GPC6: variants seen among roughly 807,000 people sequenced by gnomAD.
GPC6 encodes the protein glypican 6, also known as glypican-6.
A neutral mutation model predicts 55.2 loss-of-function variants in GPC6; 14 were observed. That is an observed-to-expected ratio of 0.25 (90% CI 0.17 to 0.40). The LOEUF (loss-of-function observed/expected upper bound fraction) is 0.40. Ranked by LOEUF, GPC6 falls within the 10% of genes least tolerant of loss-of-function variation. The pLI is 1.00. For synonymous variants in GPC6, 278 were observed against 259.6 expected (o/e 1.07, Z -0.68); for missense variants, 641 against 708.5 (o/e 0.90, Z 1.08).
intron 2 of GPC6, among the ~76,000 whole-genome samples, chr13:93,681,333 A>G (rs1218752331): frequency 2.0e-5 from 3 of 152,192 alleles, no homozygotes; most frequent in Non-Finnish European, 4.4e-5. Context: ...AATACAGGAC[A>G]TTGTATTACT....
intron 4 of GPC6, among the ~76,000 whole-genome samples, chr13:94,062,471 G>A (rs900706430): frequency 2.6e-5 from 4 of 151,730 alleles, no homozygotes; most frequent in South Asian, 4.2e-4. Flanking sequence ...AGCTGGTCTC[G>A]AACTCCTGAC....
At chr13:93,583,451 T>A (rs1425668817) in intron 2 of GPC6, among the ~76,000 whole-genome samples, 2 of 152,134 alleles carry the variant, frequency 1.3e-5, no homozygotes, top group African/African-American at 4.8e-5. Context: ...AGAGTTTCAT[T>A]TTTGTTTCCC....
At chr13:94,132,799 A>T (rs917355198) in intron 4 of GPC6, among the ~76,000 whole-genome samples, 1 of 152,192 alleles carries the variant, frequency 6.6e-6, no homozygotes, top group East Asian at 1.9e-4. Flanking sequence ...CTGAAATAGG[A>T]TCCACCAAAT....
At chr13:93,639,214 A>C (rs1266571848) in intron 2 of GPC6, among the ~76,000 whole-genome samples, 2 of 152,156 alleles carry the variant, frequency 1.3e-5, no homozygotes, top group Non-Finnish European at 2.9e-5. Context: ...TCACTGGAGA[A>C]GTCATTGAAA....
intron 4 of GPC6, among the ~76,000 whole-genome samples, chr13:94,045,403 T>TA (rs1883695485): frequency 6.6e-6 from 1 of 151,980 alleles, no homozygotes; most frequent in East Asian, 1.9e-4. Flanking sequence ...TACTTTTTTT[T>TA]ATTTAAAAAA....
chr13:93,661,881 G>T (rs924687426), intron 2 of GPC6, among the ~76,000 whole-genome samples: 1 of 152,152 alleles, frequency 6.6e-6, no homozygotes, highest in South Asian at 2.1e-4. Context: ...GGAAGAAAAT[G>T]AGGGGCACTA....
intron 4 of GPC6, among the ~76,000 whole-genome samples, chr13:94,215,250 AT>A (rs557774155): frequency 4.6e-5 from 7 of 151,334 alleles, no homozygotes; most frequent in South Asian, 2.1e-4. Context: ...AACTGGCTGC[AT>A]TTTTTTTTCT....
chr13:93,974,943 AAGCCAGGATGCAG>A (rs1353749845), intron 3 of GPC6, among the ~76,000 whole-genome samples: 3 of 152,164 alleles, frequency 2.0e-5, no homozygotes, highest in Non-Finnish European at 4.4e-5. Context: ...CAAGGTCAGA[AAGCCAGGATGCAG>A]AGCCAGGCAT....
intron 2 of GPC6, among the ~76,000 whole-genome samples, chr13:93,742,798 A>G (rs558268068): frequency 6.6e-6 from 1 of 152,320 alleles, no homozygotes; most frequent in South Asian, 2.1e-4. Flanking sequence ...AAGTGCTTTC[A>G]ACAAGCTGGA....
At chr13:93,915,191 T>C (rs1488704748) in intron 3 of GPC6, among the ~76,000 whole-genome samples, 1 of 152,226 alleles carries the variant, frequency 6.6e-6, no homozygotes. Context: ...TTTATTGACC[T>C]TCAGATCTTA....
At chr13:94,238,714 C>T (rs1031263351) in intron 4 of GPC6, among the ~76,000 whole-genome samples, 15 of 152,054 alleles carry the variant, frequency 9.9e-5, no homozygotes, top group African/African-American at 2.2e-4. Context: ...AAGATATAAG[C>T]GAGGGTCTCC....
At chr13:94,387,463 T>A (rs1880457624) in intron 7 of GPC6, among the ~76,000 whole-genome samples, 1 of 152,212 alleles carries the variant, frequency 6.6e-6, no homozygotes, top group Non-Finnish European at 1.5e-5. Flanking sequence ...ATCAATGAGA[T>A]AATCTCAATA....
At chr13:93,931,729 A>T (rs141210662) in intron 3 of GPC6, among the ~76,000 whole-genome samples, 165 of 142,908 alleles carry the variant, frequency 1.2e-3, no homozygotes, top group African/African-American at 4.2e-3. Context: ...GCGCCACTGC[A>T]CTCCAGCCTG....
chr13:93,904,113 G>A (rs771254018), intron 3 of GPC6, among the ~76,000 whole-genome samples: 5 of 152,148 alleles, frequency 3.3e-5, no homozygotes, highest in Non-Finnish European at 1.5e-5. Flanking sequence ...AGTGACCACA[G>A]GAGGTTTATA....
At chr13:93,801,877 C>T (rs1321976499) in intron 2 of GPC6, among the ~76,000 whole-genome samples, 1 of 152,080 alleles carries the variant, frequency 6.6e-6, no homozygotes, top group Non-Finnish European at 1.5e-5. Context: ...CTTAGAATTC[C>T]CAAACCTTGA....
intron 4 of GPC6, among the ~76,000 whole-genome samples, chr13:94,241,979 T>A (rs906906296): frequency 6.6e-6 from 1 of 152,142 alleles, no homozygotes; most frequent in Admixed American, 6.5e-5. Flanking sequence ...GCAGGTTTGT[T>A]ACATATGTAT....
chr13:94,276,250 A>C (rs778736973), intron 4 of GPC6, among the ~76,000 whole-genome samples: 6 of 152,184 alleles, frequency 3.9e-5, no homozygotes, highest in Non-Finnish European at 8.8e-5. Context: ...AATCCTTAGA[A>C]GTTCTTGATC....
At chr13:93,965,975 A>G (rs1324339685) in intron 3 of GPC6, among the ~76,000 whole-genome samples, 1 of 152,156 alleles carries the variant, frequency 6.6e-6, no homozygotes, top group African/African-American at 2.4e-5. Context: ...CAGCACATCT[A>G]TCAGCCCAAT....
chr13:93,967,461 A>G (rs1726330204), intron 3 of GPC6, among the ~76,000 whole-genome samples: 1 of 152,204 alleles, frequency 6.6e-6, no homozygotes, highest in South Asian at 2.1e-4. Context: ...CCATTCCTAC[A>G]TGCTCATATT....
Sources: gnomAD v4.1 joint callset for allele counts (sites outside exome capture counted in the v4.1 genomes callset) on GRCh38, gnomAD v4.1.1 for gene constraint, MANE v1.5 for transcripts, NCBI Gene and HGNC (gene_info 2026-07-23, HGNC 2026-07-21) for gene names.